CLCN1: variants seen among roughly 807,000 people sequenced by gnomAD.
The protein encoded by CLCN1 is chloride voltage-gated channel 1.
Under a neutral mutation model 114.5 loss-of-function variants are expected in CLCN1, and 100 were observed. That is an observed-to-expected ratio of 0.87 (90% CI 0.74 to 1.03). The LOEUF is 1.03. Among genes scored for constraint, CLCN1 ranks in the 50% least tolerant of loss-of-function variants. The probability of loss-of-function intolerance (pLI) is 0.00; values close to 1 mark genes in which losing one functional copy is unlikely to be tolerated. For missense variants in CLCN1, 1,188 were observed against 1,250.0 expected (o/e 0.95, Z 0.75); for synonymous variants, 485 against 487.1 (o/e 1.00, Z 0.06).
At chr7:143,340,263 G>A (rs908939036) in intron 14 of CLCN1, among the ~76,000 whole-genome samples, 2 of 152,116 alleles carry the variant, frequency 1.3e-5, no homozygotes, top group Admixed American at 6.6e-5. Context: ...CACTTGGTAC[G>A]CTGCTCCCCT....
At chr7:143,320,899 GA>G in intron 3 of CLCN1, 104 bp downstream of exon 3, 1 of 1,388,430 alleles carries the variant, frequency 7.2e-7, no homozygotes, top group Non-Finnish European at 1.0e-6. Flanking sequence ...TGTGTTATGG[GA>G]AGCGAATATT....
Position 143,350,513 on chromosome 7 carries a change from G to T in CLCN1, c.2508+37G>T. 6.2e-7 allele frequency: 1 copy of T among 1,609,776 alleles called. No individual in the cohort carries two copies. The highest frequency in any genetic ancestry group is 8.5e-7 in the Non-Finnish European group (1 of 1,175,998). On this transcript the variant is annotated intron_variant, in intron 21 of 22. Transcript: ENST00000343257. This position sits in a 1 kb window ranked among gnomAD's most constrained non-coding sequence, Gnocchi z 5.1. ...GCTGACTGCTCAGGGCTGTGGGGAAGGCAGGAGAGCTGTGGGGCAAGGAAC... is the reference window on the plus strand; with the variant it reads ...GCTGACTGCTCAGGGCTGTGGGGAATGCAGGAGAGCTGTGGGGCAAGGAAC...
chr7:143,336,557 C>G (rs1802899546), intron 12 of CLCN1, among the ~76,000 whole-genome samples: 1 of 131,596 alleles, frequency 7.6e-6, no homozygotes, highest in South Asian at 2.4e-4. Context: ...TGGCAGTGAG[C>G]TGACACACCA....
At chr7:143,338,259 T>C (rs977900006) in intron 12 of CLCN1, among the ~76,000 whole-genome samples, 17 of 152,126 alleles carry the variant, frequency 1.1e-4, no homozygotes, top group African/African-American at 3.9e-4. Flanking sequence ...TTCTATCACA[T>C]TGGCTGACTT....
At position 143,321,853 on chromosome 7, in the gene CLCN1, G is replaced by A. The variant is rs865899737; in HGVS notation, c.696+5G>A. 3.1e-6 allele frequency: 5 copies of A among 1,613,916 alleles called. No homozygotes were observed. Among genetic ancestry groups the A allele is most frequent in the Non-Finnish European group, 4.2e-6 (5 of 1,179,918 alleles). ...GGCATCCCCGTGGGGAAAGAGGTAG[G>A]CCTGGCATGACTGAAGCCAGAGCTG... On this transcript the variant is annotated splice_donor_5th_base_variant and intron_variant, in intron 5 of 22. Coordinates refer to ENST00000343257, the MANE Select transcript of CLCN1 (RefSeq NM_000083.3). This position sits in a 1 kb window ranked among gnomAD's most constrained non-coding sequence, Gnocchi z 4.2.
rs757196935 is a variant in CLCN1 at position 143,320,717 on chromosome 7, A to G, written c.355A>G (p.Ile119Val). Residue 119 changes from isoleucine to valine, a missense_variant, in exon 3 of 23, where the codon ATC becomes GTC. Ile to Val is a conservative substitution (Grantham distance 29). Transcript: ENST00000343257. The stretch of plus-strand genomic sequence containing the variant: ...GAGAAGAAAATTAGGGGAAGACGGG[A>G]TCTTTCTGGTGCTTCTGGGACTGCT... Reference protein sequence around the residue: ...VVRRKLGEDGIFLVLLGLLMA... With the variant: ...VVRRKLGEDGVFLVLLGLLMA... 2.5e-6 allele frequency: 4 copies of G among 1,613,528 alleles called. No individual in the cohort carries two copies. In the African/African-American group the frequency reaches 5.3e-5, roughly 22 times the overall value.
At position 143,319,694 on chromosome 7, in the gene CLCN1, T is replaced by C. The variant is rs549541042; in HGVS notation, c.181-61T>C. The C allele has an allele frequency of 1.2e-3, 1,905 of 1,573,016 alleles. 32 individuals are homozygous for C. In the South Asian group the frequency reaches 0.02, roughly 16 times the overall value. On this transcript the variant is annotated intron_variant, in intron 1 of 22. Coordinates refer to ENST00000343257, the MANE Select transcript of CLCN1 (RefSeq NM_000083.3). ...TCTTCTGTGAGTCTGTCTGCTGGCC[T>C]CTGTCTATTATTTTTTTAGTCTTCC...
At chr7:143,342,177 A>C (rs1369757751) in intron 15 of CLCN1, 35 bp downstream of exon 15, 1 of 1,596,278 alleles carries the variant, frequency 6.3e-7, no homozygotes, top group Non-Finnish European at 8.6e-7. Context: ...TTCAGATCTG[A>C]TGGGGAGAGT....
chr7:143,324,582 C>T lies in CLCN1; in HGVS notation c.853+90C>T. On this transcript the variant is annotated intron_variant, in intron 7 of 22. Transcript: ENST00000343257. The surrounding 1 kb of genome is among the most constrained non-coding windows in gnomAD (Gnocchi z 4.6). ...TCAGTATCCACAAGTGCTGGTATTA[C>T]CAGGTTACTTACGAGAATAGCTGAC... is the stretch of plus-strand genomic sequence containing the variant. 2.1e-6 allele frequency: 2 copies of T among 957,656 alleles called. No homozygotes were observed. The highest frequency in any genetic ancestry group is 1.3e-5 in the South Asian group (1 of 75,924). The allele number at this position is 957,656 out of a possible 1,614,324, so 59.3% of individuals were successfully genotyped here.
At chr7:143,318,192 A>T (rs1298259491) in intron 1 of CLCN1, among the ~76,000 whole-genome samples, 1 of 151,686 alleles carries the variant, frequency 6.6e-6, no homozygotes, top group African/African-American at 2.4e-5. Flanking sequence ...CACTCTACAC[A>T]CCATGGAATA....
At chr7:143,347,039 T>C in intron 20 of CLCN1, 90 bp downstream of exon 20, 2 of 1,127,398 alleles carry the variant, frequency 1.8e-6, no homozygotes, top group South Asian at 2.5e-5. Flanking sequence ...TGTGTTGTCA[T>C]GAAATAGAAT....
intron 5 of CLCN1, among the ~76,000 whole-genome samples, chr7:143,323,072 T>C (rs539360737): frequency 6.6e-6 from 1 of 152,206 alleles, no homozygotes; most frequent in East Asian, 1.9e-4. Flanking sequence ...GGCCCTTTCC[T>C]CTAAACACGT....
chr7:143,323,206 C>T, intron 5 of CLCN1, 103 bp from the exon 6 acceptor site: 9 of 759,126 alleles, frequency 1.2e-5, no homozygotes, highest in Non-Finnish European at 1.9e-5. Flanking sequence ...GTATTTCCAG[C>T]CCCTGGCACA....
rs559728423 is a variant in CLCN1 at position 143,350,961 on chromosome 7, A to G, written c.2595+307A>G. Among the ~76,000 whole-genome samples the G allele has an allele frequency of 2.0e-5, 3 of 152,136 alleles. No homozygotes were observed. The South Asian group carries it at 6.2e-4, about 32-fold the overall frequency. On this transcript the variant is annotated intron_variant, in intron 22 of 22. Coordinates refer to ENST00000343257, the MANE Select transcript of CLCN1 (RefSeq NM_000083.3). This position sits in a 1 kb window ranked among gnomAD's most constrained non-coding sequence, Gnocchi z 5.1. ...CCCGCTAATTTTTTGTATTTTTAGT[A>G]GAGACGGGGTTTTGCCATGTTGGGC...
In CLCN1 at chr7:143,350,712, G is replaced by GACAGAAGGACAGA; in HGVS notation, c.2595+59_2595+60insCAGAAGGACAGAA. 1 of 1,210,364 alleles carries GACAGAAGGACAGA rather than the reference G, an allele frequency of 8.3e-7. No individual in the cohort carries two copies. 75.0% of individuals were successfully genotyped at this position (1,210,364 alleles called of 1,614,324 possible). On this transcript the variant is annotated intron_variant, in intron 22 of 22. Transcript: ENST00000343257. The surrounding 1 kb of genome is among the most constrained non-coding windows in gnomAD (Gnocchi z 5.1). Reference sequence around the variant, plus strand: ...AGGGAGGCTGGGCATAGGATAAGGGGATGCAGTGGGGACAGAAGGAATATT... The same window carrying GACAGAAGGACAGA: ...AGGGAGGCTGGGCATAGGATAAGGGGACAGAAGGACAGAATGCAGTGGGGACAGAAGGAATATT...
rs781202009 is a variant in CLCN1, at chr7:143,345,705, C to T, written c.2115C>T (p.Pro705=). The part of the protein sequence containing the change: ...EGLPGAPPGR[P]ESFAFVDEDE... ...TCCCCGGCGCGCCTCCAGGCCGGCC[C>T]GAGTCCTTCGCCTTTGTGGATGAGG... The change falls in exon 17 of 23, where the codon CCC becomes CCT. Residue 705 remains proline, a synonymous_variant. Coordinates refer to ENST00000343257, the MANE Select transcript of CLCN1 (RefSeq NM_000083.3). 1.3e-6 allele frequency: 2 copies of T among 1,565,828 alleles called. No individual in the cohort carries two copies. Among genetic ancestry groups the T allele is most frequent in the African/African-American group, 1.4e-5 (1 of 73,854 alleles).
At chr7:143,323,941 TAGA>T in intron 6 of CLCN1, 1 of 450,738 alleles carries the variant, frequency 2.2e-6, no homozygotes, top group South Asian at 1.6e-5. Flanking sequence ...AAGCAAGACT[TAGA>T]AGGGGGTTTT....
intron 9 of CLCN1, 90 bp downstream of exon 9, chr7:143,331,406 G>A (rs1802720847): frequency 1.7e-6 from 2 of 1,173,888 alleles, no homozygotes; most frequent in Admixed American, 1.7e-5. Context: ...AGAAGGTGCG[G>A]TTGGCACAGA....
intron 2 of CLCN1, 101 bp from the exon 3 acceptor site, chr7:143,320,558 TCTCTC>T: frequency 1.2e-6 from 1 of 808,146 alleles, no homozygotes; most frequent in Non-Finnish European, 1.9e-6. Context: ...TGCTTTTCTC[TCTCTC>T]TCTCTCTCTC....
Sources: allele counts gnomAD v4.1 joint callset (sites outside exome capture counted in the v4.1 genomes callset), GRCh38; gene constraint gnomAD v4.1.1; non-coding constraint Gnocchi (gnomAD v3.1); transcripts MANE v1.5; gene names NCBI Gene and HGNC (gene_info 2026-07-23, HGNC 2026-07-21).